The following MTSS1 variants were observed in gnomAD, a reference collection of about 807,000 sequenced individuals.
MTSS1 encodes protein MTSS 1.
MTSS1 carries 18 observed loss-of-function variants against 79.0 expected under a neutral mutation model. The observed-to-expected ratio is 0.23, with a 90% CI of 0.16 to 0.34. MTSS1 has a LOEUF of 0.34. Among genes scored for constraint, MTSS1 ranks in the 10% least tolerant of loss-of-function variants. MTSS1 has a pLI of 1.00. For missense variants in MTSS1, 815 were observed against 986.2 expected, an observed-to-expected ratio of 0.83 and a Z score of 2.33; for synonymous variants, 341 against 368.6, an observed-to-expected ratio of 0.93 and a Z score of 0.86.
intron 9 of MTSS1, 134 bp from the exon 10 acceptor site, chr8:124,563,126 T>A (rs2131963951): frequency 1.3e-6 from 1 of 744,972 alleles, no homozygotes; most frequent in Non-Finnish European, 2.2e-6. Flanking sequence ...ATTAGCTCTC[T>A]GCCCTGGAGA....
intron 1 of MTSS1, among the ~76,000 whole-genome samples, chr8:124,722,479 T>C (rs752879619): frequency 1.3e-5 from 2 of 152,234 alleles, no homozygotes; most frequent in Non-Finnish European, 2.9e-5. Flanking sequence ...CGGTTGTTTC[T>C]GATTTGCCTT....
chr8:124,624,101 G>C (rs117868134), intron 3 of MTSS1, among the ~76,000 whole-genome samples: 2 of 152,200 alleles, frequency 1.3e-5, no homozygotes, highest in Non-Finnish European at 2.9e-5. Flanking sequence ...AAAGGAGAGA[G>C]GCTTACTTTC....
At chr8:124,691,613 T>C (rs965022869) in intron 3 of MTSS1, among the ~76,000 whole-genome samples, 18 of 152,108 alleles carry the variant, frequency 1.2e-4, no homozygotes, top group African/African-American at 4.1e-4. Context: ...CCTCCCAGGT[T>C]CAAGTGATTC....
chr8:124,716,203 T>C (rs1306946008), intron 1 of MTSS1, among the ~76,000 whole-genome samples: 1 of 152,080 alleles, frequency 6.6e-6, no homozygotes, highest in Non-Finnish European at 1.5e-5. Flanking sequence ...TGCTGGACAG[T>C]GCGGTTCCCA....
chr8:124,568,857 C>T (rs984711487), intron 6 of MTSS1: 29 of 1,431,274 alleles, frequency 2.0e-5, no homozygotes, highest in Non-Finnish European at 2.6e-5. Flanking sequence ...AACACAGAGC[C>T]AGACAGCATT....
chr8:124,605,542 GCACTGCCTCCCTCCCTGCCCTCT>G (rs1563842504), intron 3 of MTSS1, among the ~76,000 whole-genome samples: 34 of 136,706 alleles, frequency 2.5e-4, no homozygotes, highest in South Asian at 9.1e-4. Flanking sequence ...GACAGCCCTC[GCACTGCCTCCCTCCCTGCCCTCT>G]CGCTGCCTCC....
chr8:124,575,744 G>A (rs1828847255), intron 6 of MTSS1, among the ~76,000 whole-genome samples: 1 of 152,122 alleles, frequency 6.6e-6, no homozygotes, highest in Non-Finnish European at 1.5e-5. Flanking sequence ...CAAAGCAAAG[G>A]ATAAAAAGAG....
At chr8:124,676,670 G>A (rs1248395999) in intron 3 of MTSS1, among the ~76,000 whole-genome samples, 2 of 152,218 alleles carry the variant, frequency 1.3e-5, no homozygotes, top group Non-Finnish European at 2.9e-5. Flanking sequence ...CCCTCTAGGT[G>A]TTAAGAATCT....
chr8:124,670,266 C>T (rs1823877246), intron 3 of MTSS1, among the ~76,000 whole-genome samples: 1 of 152,118 alleles, frequency 6.6e-6, no homozygotes, highest in Admixed American at 6.5e-5. Flanking sequence ...AGCAACCAAA[C>T]AGAGGGAACA....
rs188441251 is a variant in MTSS1, at chr8:124,665,727, C to T, written c.208+33799G>A. 4.4e-3 allele frequency among the ~76,000 whole-genome samples: 667 copies of T among 152,258 alleles called. 2 individuals carry two copies. Among genetic ancestry groups the T allele is most frequent in the African/African-American group, 0.015 (618 of 41,554 alleles). Reference sequence around the variant, plus strand: ...TACTAAAAATACAAAATTAGCCAGGCGTGGTGGCGCATGCCTGTAATCCAA... The same window carrying T: ...TACTAAAAATACAAAATTAGCCAGGTGTGGTGGCGCATGCCTGTAATCCAA... On this transcript the variant is annotated intron_variant, in intron 3 of 13. Transcript: ENST00000518547.
chr8:124,634,089 C>CTTATTTAT (rs144784872), intron 3 of MTSS1, among the ~76,000 whole-genome samples: 1 of 151,012 alleles, frequency 6.6e-6, no homozygotes, highest in Non-Finnish European at 1.5e-5. Flanking sequence ...TAGACCAGTC[C>CTTATTTAT]TTATTTATTT....
intron 3 of MTSS1, among the ~76,000 whole-genome samples, chr8:124,664,339 A>G (rs1017998629): frequency 6.6e-6 from 1 of 152,186 alleles, no homozygotes; most frequent in South Asian, 2.1e-4. Context: ...CTCTAGATAA[A>G]TGCTCCTCTA....
At chr8:124,680,489 C>T (rs2134951217) in intron 3 of MTSS1, among the ~76,000 whole-genome samples, 1 of 152,282 alleles carries the variant, frequency 6.6e-6, no homozygotes, top group South Asian at 2.1e-4. Flanking sequence ...GGGGCATTAC[C>T]CCAAGGAAAA....
At chr8:124,663,651 C>T (rs1467263176) in intron 3 of MTSS1, among the ~76,000 whole-genome samples, 3 of 152,192 alleles carry the variant, frequency 2.0e-5, no homozygotes, top group African/African-American at 7.2e-5. Context: ...CCTGAGGATA[C>T]TTAGAAAAGC....
intron 3 of MTSS1, among the ~76,000 whole-genome samples, chr8:124,655,678 A>G (rs1820808154): frequency 6.6e-6 from 1 of 152,220 alleles, no homozygotes; most frequent in Non-Finnish European, 1.5e-5. Context: ...GATGTGTGCA[A>G]TGACAGTGGC....
At chr8:124,593,540 A>C (rs1440427208) in intron 3 of MTSS1, among the ~76,000 whole-genome samples, 1 of 152,260 alleles carries the variant, frequency 6.6e-6, no homozygotes, top group Non-Finnish European at 1.5e-5. Context: ...AATCAACCAT[A>C]GAGCACCACC....
chr8:124,699,719 A>G, intron 2 of MTSS1, 120 bp from the exon 3 acceptor site: 1 of 871,308 alleles, frequency 1.1e-6, no homozygotes, highest in Non-Finnish European at 1.8e-6. Flanking sequence ...AAATAACTCA[A>G]CTGAGCATGG....
chr8:124,667,956 C>T (rs1823422829), intron 3 of MTSS1, among the ~76,000 whole-genome samples: 1 of 151,966 alleles, frequency 6.6e-6, no homozygotes, highest in South Asian at 2.1e-4. Flanking sequence ...GCCTGTAGTC[C>T]CAGCTACTAG....
chr8:124,561,462 C>G (rs1437514044), intron 10 of MTSS1, among the ~76,000 whole-genome samples: 2 of 152,126 alleles, frequency 1.3e-5, no homozygotes, highest in Non-Finnish European at 2.9e-5. Flanking sequence ...GAGTTGCTAG[C>G]CACGCATGTC....
Sources: allele counts gnomAD v4.1 joint callset (sites outside exome capture counted in the v4.1 genomes callset), GRCh38; gene constraint gnomAD v4.1.1; transcripts MANE v1.5; gene names NCBI Gene and HGNC (gene_info 2026-07-23, HGNC 2026-07-21).